The following AP3B1 variants were observed in gnomAD, a reference collection of about 807,000 sequenced individuals.
AP3B1 encodes the protein AP-3 complex subunit beta-1.
In AP3B1, 61 loss-of-function variants were observed where a neutral mutation model predicts 132.5. That is an observed-to-expected ratio of 0.46 (90% CI 0.37 to 0.57). The LOEUF is 0.57. Ranked by LOEUF, AP3B1 falls within the 20% of genes least tolerant of loss-of-function variation. The pLI is 0.00. For missense variants in AP3B1, 1,120 were observed against 1,289.4 expected (o/e 0.87, Z 2.01); for synonymous variants, 388 against 438.3 (o/e 0.89, Z 1.43).
intron 12 of AP3B1, among the ~76,000 whole-genome samples, chr5:78,163,835 C>T (rs910219851): frequency 6.6e-6 from 1 of 151,632 alleles, no homozygotes; most frequent in Non-Finnish European, 1.5e-5. Flanking sequence ...CAGAAATATA[C>T]ACACTTTGTA....
rs554760283 is a variant in AP3B1, at chr5:78,159,197, T to C, written c.1364-2830A>G. Among the ~76,000 whole-genome samples the C allele has an allele frequency of 4.6e-5, 7 of 152,306 alleles. No individual in the cohort carries two copies. In the South Asian group the frequency reaches 1.5e-3, roughly 32 times the overall value. The stretch of plus-strand genomic sequence containing the variant: ...AACAAATTTATATTTTTAAAATACA[T>C]TATTGCAAAACTAGCCTAAGTAAGA... On this transcript the variant is annotated intron_variant, in intron 13 of 26. Coordinates refer to ENST00000255194, the MANE Select transcript of AP3B1 (RefSeq NM_003664.5).
chr5:78,168,029 C>T lies in AP3B1; in HGVS notation c.1168-2357G>A, dbSNP rs200733721. ...AAACCTACTGAAAAAAAAAAAAAAA[C>T]AAAAAAAATAAAACAGCAAATGATC... On this transcript the variant is annotated intron_variant, in intron 11 of 26. Coordinates refer to ENST00000255194, the MANE Select transcript of AP3B1 (RefSeq NM_003664.5). Among the ~76,000 whole-genome samples, 3 of 134,404 alleles carry T rather than the reference C, an allele frequency of 2.2e-5. No homozygotes were observed. In the South Asian group the frequency reaches 6.9e-4, roughly 31 times the overall value. The allele number at this position is 134,404 out of a possible 152,430, so 88.2% of individuals were successfully genotyped here.
intron 3 of AP3B1, among the ~76,000 whole-genome samples, chr5:78,239,349 T>G (rs1205249904): frequency 1.3e-5 from 2 of 150,524 alleles, no homozygotes; most frequent in African/African-American, 4.9e-5. Flanking sequence ...CATGCACCTG[T>G]AGTCCCAGCC....
intron 4 of AP3B1, among the ~76,000 whole-genome samples, 172 bp from the exon 5 acceptor site, chr5:78,227,704 TAAA>T (rs1178700520): frequency 2.0e-5 from 3 of 152,124 alleles, no homozygotes; most frequent in Non-Finnish European, 2.9e-5. Flanking sequence ...AAGACAGACA[TAAA>T]TGTTTACTTC....
At chr5:78,260,566 C>T (rs1275358117) in intron 2 of AP3B1, among the ~76,000 whole-genome samples, 1 of 151,792 alleles carries the variant, frequency 6.6e-6, no homozygotes, top group East Asian at 1.9e-4. Flanking sequence ...TGCACTCCAG[C>T]CTGGGCCACG....
At chr5:78,101,079 G>A (rs935865114) in intron 20 of AP3B1, 54 bp from the exon 21 acceptor site, 2 of 1,123,294 alleles carry the variant, frequency 1.8e-6, no homozygotes, top group East Asian at 2.5e-5. Flanking sequence ...AAAATCTGTG[G>A]AGTAGTCCTT....
intron 3 of AP3B1, among the ~76,000 whole-genome samples, chr5:78,232,901 T>C (rs1203845701): frequency 6.6e-6 from 1 of 152,008 alleles, no homozygotes. Context: ...GAGACAGGGT[T>C]TTGCCATGCT....
intron 3 of AP3B1, among the ~76,000 whole-genome samples, chr5:78,239,717 T>G (rs1345957532): frequency 6.8e-6 from 1 of 146,202 alleles, no homozygotes; most frequent in Non-Finnish European, 1.5e-5. Context: ...AGGTCGAGGC[T>G]GTAGTGAGCC....
chr5:78,085,202 T>C (rs1200374275), intron 22 of AP3B1, among the ~76,000 whole-genome samples: 4 of 152,254 alleles, frequency 2.6e-5, no homozygotes, highest in Non-Finnish European at 2.9e-5. Context: ...CAGTGTATAA[T>C]GCCTGCTTCA....
chr5:78,113,171 C>T (rs1242232980), intron 19 of AP3B1, among the ~76,000 whole-genome samples: 1 of 152,230 alleles, frequency 6.6e-6, no homozygotes. Context: ...GCAGAGGCCA[C>T]TCGCTGACAG....
At chr5:78,276,410 T>G (rs943426978) in intron 1 of AP3B1, among the ~76,000 whole-genome samples, 2 of 152,116 alleles carry the variant, frequency 1.3e-5, no homozygotes, top group African/African-American at 4.8e-5. Context: ...ATTTCATAAC[T>G]TGTGGGATGC....
At chr5:78,033,346 G>A (rs1490300332) in intron 24 of AP3B1, among the ~76,000 whole-genome samples, 1 of 152,022 alleles carries the variant, frequency 6.6e-6, no homozygotes, top group Non-Finnish European at 1.5e-5. Flanking sequence ...TAAAGGTGAT[G>A]ATCTGCATAA....
intron 15 of AP3B1, among the ~76,000 whole-genome samples, chr5:78,137,941 A>G (rs1450538624): frequency 2.6e-5 from 4 of 151,894 alleles, no homozygotes; most frequent in Non-Finnish European, 5.9e-5. Context: ...TATTTAGGCC[A>G]CCGGGAATTC....
intron 21 of AP3B1, among the ~76,000 whole-genome samples, chr5:78,089,920 T>C (rs187867758): frequency 1.5e-3 from 236 of 152,350 alleles, no homozygotes; most frequent in African/African-American, 5.6e-3. Context: ...ATCTATTTTA[T>C]TCTCCACTCT....
intron 7 of AP3B1, among the ~76,000 whole-genome samples, chr5:78,192,611 C>T (rs1744889657): frequency 6.6e-6 from 1 of 152,144 alleles, no homozygotes; most frequent in Non-Finnish European, 1.5e-5. Context: ...CACTGCACTC[C>T]AGCCTGGGCG....
chr5:78,064,277 G>A (rs1032192553), intron 22 of AP3B1, among the ~76,000 whole-genome samples: 9 of 151,724 alleles, frequency 5.9e-5, no homozygotes, highest in Non-Finnish European at 1.0e-4. Flanking sequence ...CCTTATATAC[G>A]CATGTTTAGA....
chr5:78,146,142 G>A (rs530201181), intron 14 of AP3B1, among the ~76,000 whole-genome samples: 10 of 152,172 alleles, frequency 6.6e-5, no homozygotes, highest in African/African-American at 1.9e-4. Context: ...GTACTTGGTC[G>A]GATTAATAAA....
intron 3 of AP3B1, among the ~76,000 whole-genome samples, chr5:78,236,692 AG>A (rs1302949136): frequency 6.6e-6 from 1 of 152,222 alleles, no homozygotes; most frequent in African/African-American, 2.4e-5. Context: ...TTGGTCAGAC[AG>A]GTTTTTTTAA....
intron 7 of AP3B1, among the ~76,000 whole-genome samples, chr5:78,211,000 C>G (rs1745712764): frequency 6.6e-6 from 1 of 151,906 alleles, no homozygotes; most frequent in Admixed American, 6.6e-5. Flanking sequence ...AAAAACAACC[C>G]ACATGGACTG....
Sources: allele counts gnomAD v4.1 joint callset (sites outside exome capture counted in the v4.1 genomes callset), GRCh38; gene constraint gnomAD v4.1.1; transcripts MANE v1.5; gene names NCBI Gene and HGNC (gene_info 2026-07-23, HGNC 2026-07-21).